The following MGAT4C variants were observed in gnomAD, a reference collection of about 807,000 sequenced individuals.
The protein encoded by MGAT4C is alpha-1,3-mannosyl-glycoprotein 4-beta-N-acetylglucosaminyltransferase C.
Under a neutral mutation model 40.1 loss-of-function variants are expected in MGAT4C, and 19 were observed. The observed-to-expected ratio is 0.47, with a 90% CI of 0.33 to 0.70. The LOEUF (loss-of-function observed/expected upper bound fraction) is 0.70. Ranked by LOEUF, MGAT4C falls within the 30% of genes least tolerant of loss-of-function variation. The pLI, the probability that MGAT4C is intolerant of heterozygous loss-of-function variation, is 0.02. For missense variants in MGAT4C, 491 were observed against 563.2 expected (o/e 0.87, Z 1.30); for synonymous variants, 181 against 187.1 (o/e 0.97, Z 0.27).
intron 2 of MGAT4C, among the ~76,000 whole-genome samples, chr12:85,999,583 GTA>G (rs67914292): frequency 0.38 from 46,426 of 122,240 alleles, 7,570 homozygotes; most frequent in East Asian, 0.52. Context: ...GTGTGTGTGT[GTA>G]TATATATATA....
rs868273592 is a variant in MGAT4C at position 86,171,405 on chromosome 12, A to G, written c.-57+84834T>C. ...ATAAATAAATAGAAAGATGTTTACT[A>G]TCTTACATGGGGATACAACATGCAG... On this transcript the variant is annotated intron_variant, in intron 1 of 4. Coordinates refer to ENST00000611864, the MANE Select transcript of MGAT4C (RefSeq NM_001351288.2). Among the ~76,000 whole-genome samples the G allele has an allele frequency of 3.9e-5, 6 of 152,178 alleles. No homozygotes were observed. The South Asian group carries it at 1.2e-3, about 31-fold the overall frequency.
chr12:86,408,477 CTCTATATATATATATATA>C (rs1956526654), intron 3 of MGAT4C, among the ~76,000 whole-genome samples: 1 of 97,588 alleles, frequency 1.0e-5, no homozygotes, highest in Non-Finnish European at 1.9e-5. Context: ...CTCTCTCTCT[CTCTATATATATATATATA>C]TATATATATA....
intron 4 of MGAT4C, among the ~76,000 whole-genome samples, chr12:86,281,133 C>G (rs563914960): frequency 1.4e-4 from 21 of 151,928 alleles, no homozygotes; most frequent in Non-Finnish European, 2.6e-4. Context: ...TTTATTGGCT[C>G]TTTTTCACTG....
intron 2 of MGAT4C, among the ~76,000 whole-genome samples, chr12:86,638,797 A>G (rs1297637087): frequency 6.6e-6 from 1 of 151,808 alleles, no homozygotes; most frequent in African/African-American, 2.4e-5. Flanking sequence ...GCTGTGTACT[A>G]TGAAACTCTG....
At chr12:86,692,761 T>C (rs949166420) in intron 2 of MGAT4C, among the ~76,000 whole-genome samples, 2 of 152,186 alleles carry the variant, frequency 1.3e-5, no homozygotes, top group African/African-American at 4.8e-5. Flanking sequence ...TCTTGGTTTA[T>C]GAAAAGGTAG....
At chr12:86,526,728 G>T (rs1045718416) in intron 2 of MGAT4C, among the ~76,000 whole-genome samples, 6 of 152,178 alleles carry the variant, frequency 3.9e-5, no homozygotes. Context: ...AAGCCTAGGG[G>T]GAGGGCCATC....
At chr12:86,040,823 G>A (rs1238423263) in intron 2 of MGAT4C, among the ~76,000 whole-genome samples, 8 of 152,308 alleles carry the variant, frequency 5.3e-5, no homozygotes, top group Admixed American at 3.3e-4. Flanking sequence ...CTGGTGGTGT[G>A]GGCACTGGAG....
At chr12:86,237,985 A>G (rs1419765474) in intron 1 of MGAT4C, among the ~76,000 whole-genome samples, 1 of 152,016 alleles carries the variant, frequency 6.6e-6, no homozygotes. Context: ...ATTATTTTTG[A>G]AAAATTTGGA....
chr12:86,641,508 T>C (rs2136521251), intron 2 of MGAT4C, among the ~76,000 whole-genome samples: 1 of 151,574 alleles, frequency 6.6e-6, no homozygotes, highest in African/African-American at 2.4e-5. Context: ...ACCCTAAAAC[T>C]TAAAGTATAA....
intron 2 of MGAT4C, among the ~76,000 whole-genome samples, chr12:86,707,493 T>C (rs1403313960): frequency 1.3e-5 from 2 of 151,742 alleles, no homozygotes; most frequent in Admixed American, 6.6e-5. Context: ...TTGAGAGAGA[T>C]GGTTTAGGGT....
intron 4 of MGAT4C, among the ~76,000 whole-genome samples, chr12:86,276,672 G>A (rs1015989720): frequency 1.3e-5 from 2 of 152,152 alleles, no homozygotes; most frequent in African/African-American, 4.8e-5. Context: ...ACAAATGAGT[G>A]AGAACATGTA....
chr12:86,640,440 G>A (rs1190126953), intron 2 of MGAT4C, among the ~76,000 whole-genome samples: 2 of 151,960 alleles, frequency 1.3e-5, no homozygotes, highest in East Asian at 3.9e-4. Flanking sequence ...TGTGGGATCG[G>A]TGGTGATATC....
At chr12:86,168,468 T>C (rs571045943) in intron 1 of MGAT4C, among the ~76,000 whole-genome samples, 8 of 152,090 alleles carry the variant, frequency 5.3e-5, no homozygotes, top group Non-Finnish European at 1.2e-4. Context: ...TGTATAAAGC[T>C]GCTATGAACT....
At position 86,427,103 on chromosome 12, in the gene MGAT4C, T is replaced by A. The variant is rs148075769; in HGVS notation, c.-120+8054A>T. 1.5e-3 allele frequency among the ~76,000 whole-genome samples: 222 copies of A among 152,228 alleles called. 1 individual carries two copies. The highest frequency in any genetic ancestry group is 6.8e-3 in the Middle Eastern group (2 of 294). On this transcript the variant is annotated intron_variant, in intron 3 of 7. Transcript: ENST00000548651. ...TGGGGAAAGAAAGGCCATCACAGATTTGGGATACTATTGTTATAGCTTTGT... is the reference window on the plus strand; with the variant it reads ...TGGGGAAAGAAAGGCCATCACAGATATGGGATACTATTGTTATAGCTTTGT...
intron 3 of MGAT4C, among the ~76,000 whole-genome samples, chr12:86,434,883 A>G (rs899560841): frequency 2.6e-5 from 4 of 151,888 alleles, no homozygotes; most frequent in African/African-American, 9.7e-5. Context: ...TACAGTATAA[A>G]CATAAAATGA....
At chr12:86,700,093 A>ATG (rs1251334900) in intron 2 of MGAT4C, among the ~76,000 whole-genome samples, 35 of 124,128 alleles carry the variant, frequency 2.8e-4, no homozygotes, top group Middle Eastern at 8.7e-3. Context: ...TAGATAGATG[A>ATG]TAGATAGATA....
At chr12:86,525,562 C>T (rs139257103) in intron 2 of MGAT4C, among the ~76,000 whole-genome samples, 4 of 152,210 alleles carry the variant, frequency 2.6e-5, no homozygotes, top group Non-Finnish European at 2.9e-5. Context: ...TTCTCATCTT[C>T]GAGGGCTTAT....
intron 1 of MGAT4C, among the ~76,000 whole-genome samples, chr12:86,061,922 G>A (rs1894017566): frequency 6.6e-6 from 1 of 152,140 alleles, no homozygotes; most frequent in South Asian, 2.1e-4. Context: ...AGAGCACCTT[G>A]GGGAAGGGGT....
At chr12:86,738,857 G>A (rs1951022425) in intron 1 of MGAT4C, among the ~76,000 whole-genome samples, 1 of 150,890 alleles carries the variant, frequency 6.6e-6, no homozygotes, top group South Asian at 2.1e-4. Flanking sequence ...AAACTGAAGA[G>A]GTTGAACACA....
Sources: allele counts gnomAD v4.1 joint callset (sites outside exome capture counted in the v4.1 genomes callset), GRCh38; gene constraint gnomAD v4.1.1; transcripts MANE v1.5; gene names NCBI Gene and HGNC (gene_info 2026-07-23, HGNC 2026-07-21).